Variants in SYNRG observed in about 807,000 individuals in gnomAD.
SYNRG encodes the protein AP1 gamma subunit binding protein 1.
A neutral mutation model predicts 130.9 loss-of-function variants in SYNRG; 37 were observed. The ratio of observed to expected loss-of-function variants is 0.28; its 90% CI spans 0.22 to 0.37. The LOEUF is 0.37. SYNRG is among the 10% of genes least tolerant of loss of function. The probability of loss-of-function intolerance (pLI) is 1.00; values close to 1 mark genes in which losing one functional copy is unlikely to be tolerated. For missense variants in SYNRG, 1,338 were observed against 1,588.9 expected (o/e 0.84, Z 2.68); for synonymous variants, 539 against 568.1 (o/e 0.95, Z 0.73).
chr17:37,605,768 A>G, intron 1 of SYNRG: 1 of 973,400 alleles, frequency 1.0e-6, no homozygotes, highest in Non-Finnish European at 1.2e-6. Context: ...AGGTAAAACC[A>G]CTAATTCTTA....
intron 2 of SYNRG, among the ~76,000 whole-genome samples, chr17:37,597,430 CAGTT>C (rs1245420559): frequency 1.3e-5 from 2 of 152,178 alleles, no homozygotes; most frequent in African/African-American, 4.8e-5. Flanking sequence ...AACAAAATAA[CAGTT>C]AGGAGCATGA....
Position 37,568,772 on chromosome 17 carries a change from A to G in SYNRG, c.1481+19T>C. On this transcript the variant is annotated intron_variant, in intron 11 of 21. Transcript: ENST00000612223. ...TTAATGGTTAAATGCAATGTTAAAT[A>G]TATTAAACTCTTTTCTACCTGTTTC... 6.2e-7 allele frequency: 1 copy of G among 1,611,832 alleles called. No individual in the cohort carries two copies. The highest frequency in any genetic ancestry group is 8.5e-7 in the Non-Finnish European group (1 of 1,179,274).
At chr17:37,593,601 G>A (rs1236722867) in intron 3 of SYNRG, among the ~76,000 whole-genome samples, 1 of 151,996 alleles carries the variant, frequency 6.6e-6, no homozygotes, top group African/African-American at 2.4e-5. Context: ...ATGGTGAGTG[G>A]CGGACAGGTG....
intron 19 of SYNRG, among the ~76,000 whole-genome samples, chr17:37,526,997 G>A (rs1194704814): frequency 6.6e-6 from 1 of 152,160 alleles, no homozygotes; most frequent in East Asian, 1.9e-4. Flanking sequence ...CTAAAACATT[G>A]TGCAGACTGG....
At chr17:37,576,704 C>G (rs2060865167) in intron 7 of SYNRG, among the ~76,000 whole-genome samples, 1 of 151,994 alleles carries the variant, frequency 6.6e-6, no homozygotes, top group Non-Finnish European at 1.5e-5. Flanking sequence ...ACATGTATTA[C>G]AAATTAAGGA....
rs1568362448 is a variant in SYNRG, at chr17:37,553,279, A to C, written c.2444T>G (p.Leu815Arg). ...EDSASVKSLDLPSIGGSSVGK... is the reference protein window; with the variant it reads ...EDSASVKSLDRPSIGGSSVGK... ...AACACTGCTGCCACCAATGGAAGGG[A>C]GATCTAAGGACTTCACTGATGCAGA... Residue 815 changes from leucine to arginine, a missense_variant, in exon 14 of 22, where the codon CTC (leucine) becomes CGC (arginine). By Grantham distance (102) the Leu-to-Arg change is moderately radical. This residue lies in a region of SYNRG where 1,146 missense variants were observed against 1,342.3 expected (regional missense o/e 0.85). Coordinates refer to ENST00000612223, the MANE Select transcript of SYNRG (RefSeq NM_007247.6). 1 of 1,613,772 alleles carries C rather than the reference A, an allele frequency of 6.2e-7. No homozygotes were observed.
At chr17:37,538,475 C>A in intron 17 of SYNRG, 55 bp from the exon 18 acceptor site, 2 of 1,289,194 alleles carry the variant, frequency 1.6e-6, no homozygotes, top group Non-Finnish European at 1.1e-6. Flanking sequence ...CATTGCAAAT[C>A]AATTTACTAT....
At chr17:37,551,762 A>T (rs762189970) in intron 14 of SYNRG, among the ~76,000 whole-genome samples, 38 of 151,816 alleles carry the variant, frequency 2.5e-4, no homozygotes, top group Non-Finnish European at 4.1e-4. Context: ...CTTTGCAACC[A>T]ACTGCTGTGG....
chr17:37,569,289 A>G (rs2060232714), intron 10 of SYNRG, among the ~76,000 whole-genome samples: 1 of 148,826 alleles, frequency 6.7e-6, no homozygotes, highest in Non-Finnish European at 1.5e-5. Context: ...ATGTGCCTGT[A>G]GTCCCAGCTA....
chr17:37,600,185 AT>A (rs1333550915), intron 2 of SYNRG, among the ~76,000 whole-genome samples, 177 bp downstream of exon 2: 2 of 152,264 alleles, frequency 1.3e-5, no homozygotes, highest in Non-Finnish European at 2.9e-5. Context: ...TCCCAAAATT[AT>A]ATAATTTTTG....
chr17:37,605,741 C>G (rs1296343216), intron 1 of SYNRG: 2 of 928,236 alleles, frequency 2.2e-6, no homozygotes, highest in Non-Finnish European at 2.6e-6. Flanking sequence ...GGAAGGTGAC[C>G]AACAATTTAA....
At chr17:37,541,724 C>T (rs1294895055) in intron 15 of SYNRG, 6 of 557,958 alleles carry the variant, frequency 1.1e-5, no homozygotes, top group South Asian at 2.5e-5. Context: ...TCTAACCAAA[C>T]GAGCTAATGA....
At chr17:37,566,690 A>G (rs545659312) in intron 11 of SYNRG, among the ~76,000 whole-genome samples, 16 of 152,306 alleles carry the variant, frequency 1.1e-4, no homozygotes, top group African/African-American at 3.4e-4. Flanking sequence ...ACATGGAGAT[A>G]ATGCCACACA....
intron 7 of SYNRG, 69 bp from the exon 8 acceptor site, chr17:37,576,487 G>C: frequency 6.8e-7 from 1 of 1,465,816 alleles, no homozygotes; most frequent in Non-Finnish European, 9.4e-7. Flanking sequence ...ACTGAGTCAT[G>C]GTTTTTTACA....
At chr17:37,577,273 G>A (rs986955685) in intron 7 of SYNRG, 107 bp downstream of exon 7, 12 of 1,063,530 alleles carry the variant, frequency 1.1e-5, no homozygotes, top group South Asian at 1.5e-5. Context: ...GCAAAATTTC[G>A]ATTAGCAAAA....
Position 37,542,416 on chromosome 17 carries a change from G to A in SYNRG, c.2758C>T (p.Pro920Ser), listed in dbSNP as rs140909346. ...PFVLSAGSGS[P>S]SATSILQKKE... ...TTTTGAAGAATTGAGGTGGCTGAGGGGGATCCACTTCCTGCTGAGAGGACA... is the reference window on the plus strand; with the variant it reads ...TTTTGAAGAATTGAGGTGGCTGAGGAGGATCCACTTCCTGCTGAGAGGACA... Residue 920 changes from proline (P) to serine (S), a missense_variant, in exon 15 of 22, where the codon CCC becomes TCC. Coordinates refer to ENST00000612223, the MANE Select transcript of SYNRG (RefSeq NM_007247.6). 730 of 1,614,142 alleles carry A rather than the reference G, an allele frequency of 4.5e-4. 4 individuals carry two copies. The highest frequency in any genetic ancestry group is 3.5e-3 in the Middle Eastern group (21 of 6,062).
intron 14 of SYNRG, among the ~76,000 whole-genome samples, chr17:37,551,270 A>G (rs1416858385): frequency 6.6e-6 from 1 of 152,200 alleles, no homozygotes; most frequent in East Asian, 1.9e-4. Flanking sequence ...TCTACAATAC[A>G]TTGATGCAGC....
chr17:37,609,309 CCCGCGG>C lies in SYNRG; in HGVS notation c.41_46del (p.Ala14_Ala15del). 6.8e-7 allele frequency: 1 copy of C among 1,464,214 alleles called. No individual in the cohort carries two copies. The highest frequency in any genetic ancestry group is 2.6e-5 in the Admixed American group (1 of 39,154). The allele number at this position is 1,464,214 out of a possible 1,614,324, so 90.7% of individuals were successfully genotyped here. A position where few individuals can be genotyped will look rare whatever the true frequency, so the allele number is the denominator to read the frequency against. ...TCCCCCGGCGGACCCCGCGCCAGCTCCCGCGGCCCCGCCGCCACCAGAACCAGCTCC... is the reference window on the plus strand; with the variant it reads ...TCCCCCGGCGGACCCCGCGCCAGCTCCCCCGCCGCCACCAGAACCAGCTCC... On this transcript the variant is annotated inframe_deletion, in exon 1 of 22. Coordinates refer to ENST00000612223, the MANE Select transcript of SYNRG (RefSeq NM_007247.6).
chr17:37,576,214 G>C, intron 8 of SYNRG, 127 bp downstream of exon 8: 1 of 855,280 alleles, frequency 1.2e-6, no homozygotes. Context: ...TACTCTTTCA[G>C]AAAAAAAGAA....
Sources: allele counts gnomAD v4.1 joint callset (sites outside exome capture counted in the v4.1 genomes callset), GRCh38; gene constraint gnomAD v4.1.1; regional missense constraint gnomAD v4.1.1; transcripts MANE v1.5; gene names NCBI Gene and HGNC (gene_info 2026-07-23, HGNC 2026-07-21).